GNA14: variants seen among roughly 807,000 people sequenced by gnomAD.
The protein encoded by GNA14 is guanine nucleotide-binding protein subunit alpha-14.
Under a neutral mutation model 42.0 loss-of-function variants are expected in GNA14, and 50 were observed. The ratio of observed to expected loss-of-function variants is 1.19; its 90% CI spans 0.95 to 1.51. The LOEUF (loss-of-function observed/expected upper bound fraction) is 1.51, where lower values mean the gene tolerates loss of function less well. Among genes scored for constraint, GNA14 ranks in the 40% most tolerant of loss-of-function variants. The probability of loss-of-function intolerance (pLI) is 0.00; values close to 1 mark genes in which losing one functional copy is unlikely to be tolerated. For synonymous variants in GNA14, 173 were observed against 163.1 expected, an observed-to-expected ratio of 1.06 and a Z score of -0.46; for missense variants, 473 against 446.2, an observed-to-expected ratio of 1.06 and a Z score of -0.54.
In GNA14 at chr9:77,525,666, G is replaced by A. The variant is rs569407504; in HGVS notation, c.309+3403C>T. Among the ~76,000 whole-genome samples the A allele has an allele frequency of 5.9e-5, 9 of 151,738 alleles. No individual in the cohort carries two copies. In the East Asian group the frequency reaches 1.6e-3, roughly 26 times the overall value. ...CCATTCTCCTACCTCAGCCTCCCGA[G>A]TAGCTGGGACTACAGGTACCCGCCA... On this transcript the variant is annotated intron_variant, in intron 2 of 6. Coordinates refer to ENST00000341700, the MANE Select transcript of GNA14 (RefSeq NM_004297.4).
intron 2 of GNA14, chr9:77,518,093 T>G (rs1163554504): frequency 1.3e-5 from 2 of 152,162 alleles, no homozygotes; most frequent in Non-Finnish European, 2.9e-5. Context: ...ATTTTTCACT[T>G]CTGAAGGTAG....
chr9:77,474,308 A>T (rs970666175), intron 2 of GNA14, among the ~76,000 whole-genome samples: 1 of 152,250 alleles, frequency 6.6e-6, no homozygotes, highest in Non-Finnish European at 1.5e-5. Flanking sequence ...CTCAGTAAGA[A>T]AAGAATAAGA....
chr9:77,546,350 G>T (rs991533743), intron 1 of GNA14, among the ~76,000 whole-genome samples: 2 of 150,690 alleles, frequency 1.3e-5, no homozygotes, highest in Non-Finnish European at 2.9e-5. Context: ...CCCTCCCCTT[G>T]TAAATCTCCT....
chr9:77,586,897 T>C (rs1013252597), intron 1 of GNA14, among the ~76,000 whole-genome samples: 1 of 151,978 alleles, frequency 6.6e-6, no homozygotes, highest in Non-Finnish European at 1.5e-5. Context: ...CACTTTCCTA[T>C]TGGCACAGCT....
chr9:77,596,681 C>T (rs1823472505), intron 1 of GNA14, among the ~76,000 whole-genome samples: 1 of 152,082 alleles, frequency 6.6e-6, no homozygotes, highest in Non-Finnish European at 1.5e-5. Context: ...AAATCTTGGG[C>T]CCCCAAATCT....
At chr9:77,449,709 G>C (rs1409955518) in intron 2 of GNA14, among the ~76,000 whole-genome samples, 1 of 152,162 alleles carries the variant, frequency 6.6e-6, no homozygotes, top group Admixed American at 6.5e-5. Context: ...CTGTCAAACA[G>C]GTTTCATACT....
chr9:77,428,213 G>A (rs375527019), intron 5 of GNA14, among the ~76,000 whole-genome samples: 86 of 151,656 alleles, frequency 5.7e-4, no homozygotes, highest in African/African-American at 1.9e-3. Context: ...TGAATAGCTG[G>A]GACTACAGGC....
chr9:77,528,417 A>G (rs1837475453), intron 2 of GNA14, among the ~76,000 whole-genome samples: 1 of 152,126 alleles, frequency 6.6e-6, no homozygotes, highest in African/African-American at 2.4e-5. Context: ...AATATACCAT[A>G]TAAAATTTTA....
chr9:77,546,773 T>C (rs1281020710), intron 1 of GNA14, among the ~76,000 whole-genome samples: 2 of 152,194 alleles, frequency 1.3e-5, no homozygotes, highest in East Asian at 1.9e-4. Context: ...AGTAATCACC[T>C]CCAGCCCCAC....
rs530650479 is a variant in GNA14 at position 77,597,366 on chromosome 9, T to G, written c.124+50304A>C. Among the ~76,000 whole-genome samples the G allele has an allele frequency of 2.0e-5, 3 of 151,954 alleles. No individual in the cohort carries two copies. The South Asian group carries it at 6.2e-4, about 31-fold the overall frequency. The stretch of plus-strand genomic sequence containing the variant: ...ATAGCCTGAGTCTCTGGAGAAATGA[T>G]GAACAAATTTAGCAAAAAGGGCTGT... On this transcript the variant is annotated intron_variant, in intron 1 of 6. Transcript: ENST00000341700.
chr9:77,540,847 T>C (rs1300137561), intron 1 of GNA14, among the ~76,000 whole-genome samples: 1 of 152,144 alleles, frequency 6.6e-6, no homozygotes, highest in Non-Finnish European at 1.5e-5. Flanking sequence ...ATGTGTATCT[T>C]TGCAAGTAAA....
chr9:77,467,439 C>G (rs1378432845), intron 2 of GNA14, among the ~76,000 whole-genome samples: 1 of 151,300 alleles, frequency 6.6e-6, no homozygotes, highest in African/African-American at 2.4e-5. Flanking sequence ...GCTTCTGGAG[C>G]CCTTGGGGTG....
intron 1 of GNA14, among the ~76,000 whole-genome samples, chr9:77,600,851 G>A (rs1199668272): frequency 6.6e-6 from 1 of 152,188 alleles, no homozygotes. Flanking sequence ...CCCGGGAGGC[G>A]GAGGTTGCAG....
intron 4 of GNA14, 118 bp downstream of exon 4, chr9:77,431,203 A>T (rs930762374): frequency 2.3e-6 from 2 of 872,242 alleles, no homozygotes; most frequent in Middle Eastern, 2.9e-4. Context: ...CTTGGCAGAG[A>T]GGGTCACTCT....
At chr9:77,480,053 G>A (rs1472604676) in intron 2 of GNA14, among the ~76,000 whole-genome samples, 1 of 152,090 alleles carries the variant, frequency 6.6e-6, no homozygotes, top group Non-Finnish European at 1.5e-5. Flanking sequence ...TCCTTCTCCT[G>A]CCTGATTGCC....
At chr9:77,577,776 T>C (rs2131799811) in intron 1 of GNA14, among the ~76,000 whole-genome samples, 1 of 152,270 alleles carries the variant, frequency 6.6e-6, no homozygotes, top group Middle Eastern at 3.4e-3. Flanking sequence ...TTGGAATTGC[T>C]CTTCCCATCA....
At chr9:77,640,681 T>G (rs1196015445) in intron 1 of GNA14, among the ~76,000 whole-genome samples, 1 of 151,940 alleles carries the variant, frequency 6.6e-6, no homozygotes, top group Non-Finnish European at 1.5e-5. Flanking sequence ...GATACTGTAC[T>G]AGTAATTGAT....
chr9:77,434,439 G>T lies in GNA14; in HGVS notation c.393C>A (p.Leu131=). 6.2e-7 allele frequency: 1 copy of T among 1,613,926 alleles called. No individual in the cohort carries two copies. The highest frequency in any genetic ancestry group is 8.5e-7 in the Non-Finnish European group (1 of 1,179,798). The change falls in exon 3 of 7, where the codon CTC becomes CTA. Residue 131 remains leucine, a synonymous_variant. Transcript: ENST00000341700. ...SREQVEAIKQ[L]WQDPGIQECY... Reference sequence around the variant, plus strand: ...ACTCCTGGATGCCTGGATCTTGCCAGAGCTGCTTGATGGCCTCCACCTGCT... The same window carrying T: ...ACTCCTGGATGCCTGGATCTTGCCATAGCTGCTTGATGGCCTCCACCTGCT...
In GNA14 at chr9:77,434,437, C is replaced by T. The variant is rs995975045; in HGVS notation, c.395G>A (p.Trp132Ter). Residue 132 changes from tryptophan (W) to a stop codon, truncating the protein, a stop_gained, in exon 3 of 7, where the codon TGG (tryptophan) becomes TAG (stop). Transcript: ENST00000341700. LOFTEE classifies it high-confidence loss of function. ...REQVEAIKQL[W>*]QDPGIQECYD... ...ACACTCCTGGATGCCTGGATCTTGCCAGAGCTGCTTGATGGCCTCCACCTG... is the reference window on the plus strand; with the variant it reads ...ACACTCCTGGATGCCTGGATCTTGCTAGAGCTGCTTGATGGCCTCCACCTG... The T allele has an allele frequency of 6.8e-6, 11 of 1,613,908 alleles. No homozygotes were observed. Among genetic ancestry groups the T allele is most frequent in the Admixed American group, 1.7e-5 (1 of 59,998 alleles).
Sources: gnomAD v4.1 joint callset for allele counts (sites outside exome capture counted in the v4.1 genomes callset) on GRCh38, gnomAD v4.1.1 for gene constraint, MANE v1.5 for transcripts, NCBI Gene and HGNC (gene_info 2026-07-23, HGNC 2026-07-21) for gene names.